MYOM1: variants seen among roughly 807,000 people sequenced by gnomAD.
MYOM1 encodes myomesin-1.
Under a neutral mutation model 205.3 loss-of-function variants are expected in MYOM1, and 164 were observed. The observed-to-expected ratio is 0.80, with a 90% CI of 0.70 to 0.91. MYOM1 has a LOEUF of 0.91. MYOM1 is among the 40% of genes least tolerant of loss of function. The probability of loss-of-function intolerance (pLI) is 0.00; values close to 1 mark genes in which losing one functional copy is unlikely to be tolerated. For synonymous variants in MYOM1, 772 were observed against 789.4 expected, an observed-to-expected ratio of 0.98 and a Z score of 0.37; for missense variants, 2,011 against 2,127.3, an observed-to-expected ratio of 0.95 and a Z score of 1.08.
At chr18:3,076,441 A>G (rs755193111) in intron 34 of MYOM1, among the ~76,000 whole-genome samples, 18 of 152,060 alleles carry the variant, frequency 1.2e-4, no homozygotes, top group Non-Finnish European at 2.2e-4. Flanking sequence ...GAAAACAAAA[A>G]CTTTGTCTTA....
intron 13 of MYOM1, among the ~76,000 whole-genome samples, chr18:3,147,160 AAT>A (rs1301739378): frequency 6.9e-6 from 1 of 145,642 alleles, no homozygotes; most frequent in Non-Finnish European, 1.5e-5. Context: ...ATTATATAGA[AAT>A]ATATATATAT....
chr18:3,176,881 C>CA (rs1567951611), intron 5 of MYOM1, among the ~76,000 whole-genome samples: 3 of 139,374 alleles, frequency 2.2e-5, no homozygotes, highest in African/African-American at 8.2e-5. Flanking sequence ...GACTCCATCT[C>CA]GAAAAAAAAA....
chr18:3,153,500 G>A (rs1375576003), intron 11 of MYOM1, among the ~76,000 whole-genome samples: 1 of 152,138 alleles, frequency 6.6e-6, no homozygotes, highest in Non-Finnish European at 1.5e-5. Context: ...GGCCAGAGGA[G>A]AACAAAATGT....
chr18:3,097,872 C>T (rs576307665), intron 25 of MYOM1, among the ~76,000 whole-genome samples: 1 of 152,318 alleles, frequency 6.6e-6, no homozygotes, highest in East Asian at 1.9e-4. Context: ...ATGATAATGA[C>T]ATCAGGCAAT....
At position 3,135,691 on chromosome 18, in the gene MYOM1, C is replaced by T. The variant is rs1309776957; in HGVS notation, c.2065G>A (p.Glu689Lys). The T allele has an allele frequency of 1.2e-6, 2 of 1,613,918 alleles. No homozygotes were observed. The highest frequency in any genetic ancestry group is 1.7e-5 in the Admixed American group (1 of 60,004). ...GTENWQRVNT[E>K]LPVKSPRFAL... ...AAGCGGGGAGACTTCACAGGGAGCT[C>T]CGTGTTCACTCGCTGCCAGTTTTCT... Residue 689 changes from glutamate (E) to lysine (K), a missense_variant, in exon 15 of 38, where the codon GAG becomes AAG. By Grantham distance (56) the Glu-to-Lys change is moderately conservative. Coordinates refer to ENST00000356443, the MANE Select transcript of MYOM1 (RefSeq NM_003803.4). This position sits in a 1 kb window ranked among gnomAD's most constrained non-coding sequence, Gnocchi z 4.1.
intron 22 of MYOM1, 64 bp downstream of exon 22, chr18:3,112,234 G>T: frequency 7.3e-7 from 1 of 1,365,496 alleles, no homozygotes; most frequent in Non-Finnish European, 1.0e-6. Context: ...GCACAGAAAG[G>T]CCGAACCTTA....
upstream of MYOM1, among the ~76,000 whole-genome samples, chr18:3,224,801 T>C (rs1384975587): frequency 1.3e-5 from 2 of 151,652 alleles, no homozygotes; most frequent in Admixed American, 6.6e-5. Context: ...ATAGCTGGGA[T>C]TGCAGGCGCC....
intron 12 of MYOM1, among the ~76,000 whole-genome samples, chr18:3,150,719 G>A (rs1201069583): frequency 2.0e-5 from 3 of 152,136 alleles, no homozygotes; most frequent in Non-Finnish European, 4.4e-5. Context: ...TGCCATATGG[G>A]TTTCCATGAA....
chr18:3,090,923 T>A (rs2079217649), intron 26 of MYOM1, 121 bp from the exon 27 acceptor site: 1 of 1,239,020 alleles, frequency 8.1e-7, no homozygotes, highest in Non-Finnish European at 1.1e-6. Context: ...TGTTCATGCC[T>A]GTAATCCCAG....
intron 26 of MYOM1, 59 bp from the exon 27 acceptor site, chr18:3,090,861 G>C (rs2079217142): frequency 1.3e-6 from 2 of 1,599,222 alleles, no homozygotes; most frequent in South Asian, 2.2e-5. Flanking sequence ...TACTTGGAAT[G>C]ACAACAAGCT....
At chr18:3,174,062 G>T in intron 7 of MYOM1, 58 bp downstream of exon 7, 1 of 1,600,548 alleles carries the variant, frequency 6.2e-7, no homozygotes, top group South Asian at 1.1e-5. Flanking sequence ...TAAAACCATG[G>T]GAAGAAATTT....
chr18:3,126,721 C>G lies in MYOM1; in HGVS notation c.2971G>C (p.Val991Leu). 1 of 1,613,324 alleles carries G rather than the reference C, an allele frequency of 6.2e-7. No homozygotes were observed. The highest frequency in any genetic ancestry group is 8.5e-7 in the Non-Finnish European group (1 of 1,179,434). The change falls in exon 19 of 38, where the codon GTC becomes CTC. Residue 991 changes from valine (V) to leucine (L), a missense_variant. Transcript: ENST00000356443. Reference sequence around the variant, plus strand: ...CTTACCTTGTATGCCTCCTCACTGACAGCCTTGACATTGGCTTCTCTCCAT... The same window carrying G: ...CTTACCTTGTATGCCTCCTCACTGAGAGCCTTGACATTGGCTTCTCTCCAT... ...GKWREANVKAVSEEAYKISNL... is the reference protein window; with the variant it reads ...GKWREANVKALSEEAYKISNL...
chr18:3,244,622 G>T, the MYOM1 span, among the ~76,000 whole-genome samples: 1 of 151,696 alleles, frequency 6.6e-6, no homozygotes, highest in African/African-American at 2.4e-5. Context: ...CAGGTGTGGC[G>T]TCTCATGCCT....
Position 3,134,954 on chromosome 18 carries a change from G to A in MYOM1, c.2210-130C>T, listed in dbSNP as rs759052109. On this transcript the variant is annotated intron_variant, in intron 15 of 37. Transcript: ENST00000356443. Reference sequence around the variant, plus strand: ...CAAAAGAACAGCTGCTTTATTTTACGATTTTTTTTTTTGAGACTGAGTCTC... The same window carrying A: ...CAAAAGAACAGCTGCTTTATTTTACAATTTTTTTTTTTGAGACTGAGTCTC... 1.4e-4 allele frequency: 105 copies of A among 772,000 alleles called. 3 individuals carry two copies. The highest frequency in any genetic ancestry group is 9.8e-4 in the Middle Eastern group (3 of 3,076). 47.8% of individuals were successfully genotyped at this position (772,000 alleles called of 1,614,324 possible).
At position 3,144,820 on chromosome 18, in the gene MYOM1, T is replaced by C. The variant is rs575940897; in HGVS notation, c.1901-2757A>G. Among the ~76,000 whole-genome samples, 14 of 152,246 alleles carry C rather than the reference T, an allele frequency of 9.2e-5. No individual in the cohort carries two copies. In the South Asian group the frequency reaches 2.9e-3, roughly 32 times the overall value. On this transcript the variant is annotated intron_variant, in intron 13 of 37. Transcript: ENST00000356443. ...ACATCTAATAACATCCCAAAATACA[T>C]GAAGAAACTGGTAGAACTGCAAGAA...
In MYOM1 at chr18:3,135,624, C is replaced by G. The variant is rs548747720; in HGVS notation, c.2132G>C (p.Arg711Pro). The change falls in exon 15 of 38, where the codon CGT becomes CCT. Residue 711 changes from arginine to proline, a missense_variant. Arg to Pro is a moderately radical substitution (Grantham distance 103, BLOSUM62 -2). Coordinates refer to ENST00000356443, the MANE Select transcript of MYOM1 (RefSeq NM_003803.4). The surrounding 1 kb of genome is among the most constrained non-coding windows in gnomAD (Gnocchi z 4.1). Reference protein sequence around the residue: ...DLAEGKSYCFRVRCSNSAGVG... With the variant: ...DLAEGKSYCFPVRCSNSAGVG... The stretch of plus-strand genomic sequence containing the variant: ...TCCTGCAGAATTAGAACAGCGGACA[C>G]GGAAACAGTAGGATTTCCCCTCGGC... The G allele has an allele frequency of 1.1e-5, 18 of 1,613,894 alleles. No homozygotes were observed. Among genetic ancestry groups the G allele is most frequent in the Non-Finnish European group, 1.4e-5 (17 of 1,179,874 alleles).
At chr18:3,149,949 T>C (rs111806158) in intron 12 of MYOM1, among the ~76,000 whole-genome samples, 4 of 152,232 alleles carry the variant, frequency 2.6e-5, no homozygotes, top group African/African-American at 7.2e-5. Context: ...AAGTATGAGA[T>C]GGAATTTGCA....
chr18:3,225,516 G>A, the MYOM1 span, among the ~76,000 whole-genome samples: 1 of 152,138 alleles, frequency 6.6e-6, no homozygotes, highest in African/African-American at 2.4e-5. Flanking sequence ...GTAGCAAGTG[G>A]CCTCTGTTGA....
chr18:3,120,589 A>G (rs1288856328), intron 19 of MYOM1, among the ~76,000 whole-genome samples: 2 of 152,206 alleles, frequency 1.3e-5, no homozygotes, highest in African/African-American at 2.4e-5. Context: ...TCCTGAACAG[A>G]CGACCCTGCA....
Sources: gnomAD v4.1 joint callset for allele counts (sites outside exome capture counted in the v4.1 genomes callset) on GRCh38, gnomAD v4.1.1 for gene constraint, Gnocchi (gnomAD v3.1) non-coding constraint, MANE v1.5 for transcripts, NCBI Gene and HGNC (gene_info 2026-07-23, HGNC 2026-07-21) for gene names.